Variants in MAEA observed in about 807,000 individuals in gnomAD.
MAEA encodes the protein E3 ubiquitin-protein transferase MAEA.
MAEA carries 22 observed loss-of-function variants against 46.2 expected under a neutral mutation model. That is an observed-to-expected ratio of 0.48 (90% CI 0.34 to 0.68). MAEA has a LOEUF of 0.68. Among genes scored for constraint, MAEA ranks in the 30% least tolerant of loss-of-function variants. MAEA has a pLI of 0.01. For synonymous variants in MAEA, 246 were observed against 222.6 expected (o/e 1.11, Z -0.94); for missense variants, 393 against 558.1 (o/e 0.70, Z 2.98).
chr4:1,317,155 C>T (rs1474453320), intron 3 of MAEA, among the ~76,000 whole-genome samples: 6 of 90,300 alleles, frequency 6.6e-5, no homozygotes, highest in African/African-American at 1.0e-4. Flanking sequence ...CCACCCCAGC[C>T]CCCACACTCC....
At position 1,291,032 on chromosome 4, in the gene MAEA, A is replaced by G. The variant is rs970488351; in HGVS notation, c.69+1050A>G. On this transcript the variant is annotated intron_variant, in intron 1 of 8. Coordinates refer to ENST00000303400, the MANE Select transcript of MAEA (RefSeq NM_001017405.3). ...AAATGAGTGACCACGTATTGTTTCAAACAGTGCCTAGCATTCATTAAAAGG... is the reference window on the plus strand; with the variant it reads ...AAATGAGTGACCACGTATTGTTTCAGACAGTGCCTAGCATTCATTAAAAGG... Among the ~76,000 whole-genome samples, 7 of 152,304 alleles carry G rather than the reference A, an allele frequency of 4.6e-5. No individual in the cohort carries two copies. In the South Asian group the frequency reaches 1.0e-3, roughly 23 times the overall value.
rs371632040 is a variant in MAEA at position 1,339,209 on chromosome 4, A to C, written c.*40A>C. 3 of 1,522,694 alleles carry C rather than the reference A, an allele frequency of 2.0e-6. No homozygotes were observed. In the African/African-American group the frequency reaches 4.1e-5, roughly 21 times the overall value. 94.3% of individuals were successfully genotyped at this position (1,522,694 alleles called of 1,614,324 possible). A position where few individuals can be genotyped will look rare whatever the true frequency, so the allele number is the denominator to read the frequency against. ...AGCGCACGCCTCGGGGACGGGCTGC[A>C]GTGGGCGGGGAGGCCACGCCTTCCT... On this transcript the variant is annotated 3_prime_UTR_variant, in exon 9 of 9. Transcript: ENST00000303400.
intron 2 of MAEA, among the ~76,000 whole-genome samples, chr4:1,315,051 G>T (rs1315707782): frequency 1.3e-5 from 2 of 152,202 alleles, no homozygotes; most frequent in Non-Finnish European, 2.9e-5. Flanking sequence ...TATTGCAAAA[G>T]ATTTTTTTAA....
At chr4:1,336,021 C>G (rs1712707639) in intron 6 of MAEA, 1 of 95,740 alleles carries the variant, frequency 1.0e-5, no homozygotes, top group Admixed American at 1.1e-4. Flanking sequence ...GTGTTGAAAT[C>G]ACAGAGTTAA....
chr4:1,308,755 G>T (rs1736083329), intron 1 of MAEA, among the ~76,000 whole-genome samples: 2 of 152,194 alleles, frequency 1.3e-5, no homozygotes, highest in Admixed American at 6.5e-5. Flanking sequence ...TTTAAAATTG[G>T]ATATTTCCTT....
At chr4:1,299,237 A>G (rs1735078051) in intron 1 of MAEA, among the ~76,000 whole-genome samples, 1 of 152,042 alleles carries the variant, frequency 6.6e-6, no homozygotes, top group South Asian at 2.1e-4. Flanking sequence ...AACCAATTCT[A>G]CCAGTCTCCC....
chr4:1,302,096 T>G (rs1017226666), intron 1 of MAEA, among the ~76,000 whole-genome samples: 1 of 152,024 alleles, frequency 6.6e-6, no homozygotes, highest in Non-Finnish European at 1.5e-5. Flanking sequence ...TGCCAAAATA[T>G]TCAACAAAAT....
At chr4:1,297,126 GGCCCCAGACGA>G (rs1734811532) in intron 1 of MAEA, among the ~76,000 whole-genome samples, 1 of 152,202 alleles carries the variant, frequency 6.6e-6, no homozygotes, top group East Asian at 1.9e-4. Flanking sequence ...TCGGCCTTGG[GGCCCCAGACGA>G]GCCCCAGACC....
At chr4:1,335,774 G>GAA (rs1384650982) in intron 6 of MAEA, 1 of 985,048 alleles carries the variant, frequency 1.0e-6, no homozygotes, top group Non-Finnish European at 1.2e-6. Flanking sequence ...GCAGTGTGTT[G>GAA]AAATCACAGA....
In MAEA at chr4:1,339,081, T is replaced by A. The variant is rs1235151938; in HGVS notation, c.1103T>A (p.Leu368His). 1 of 1,613,600 alleles carries A rather than the reference T, an allele frequency of 6.2e-7. No homozygotes were observed. The highest frequency in any genetic ancestry group is 8.5e-7 in the Non-Finnish European group (1 of 1,179,724). ...CCCGGTTTTATTTTTCAGTCTCTGC[T>A]TTCTATCCGTCAAGATGATAAAGTC... Reference protein sequence around the residue: ...NGYVYGYNSLLSIRQDDKVVC... With the variant: ...NGYVYGYNSLHSIRQDDKVVC... The change falls in exon 9 of 9, where the codon CTT becomes CAT. Residue 368 changes from leucine (L) to histidine (H), a missense_variant. Leu to His is a moderately conservative substitution (Grantham distance 99, BLOSUM62 -3). Transcript: ENST00000303400.
intron 3 of MAEA, among the ~76,000 whole-genome samples, chr4:1,317,562 G>A (rs1390114805): frequency 6.6e-6 from 1 of 152,016 alleles, no homozygotes; most frequent in African/African-American, 2.4e-5. Context: ...TGTGTGTGGT[G>A]TCCGTCCTGC....
At chr4:1,298,820 C>G (rs1735038693) in intron 1 of MAEA, among the ~76,000 whole-genome samples, 1 of 152,136 alleles carries the variant, frequency 6.6e-6, no homozygotes. Context: ...AGCCCTGTAT[C>G]CAGTAGCCTG....
At chr4:1,304,525 C>G (rs1444750447) in intron 1 of MAEA, among the ~76,000 whole-genome samples, 4 of 152,178 alleles carry the variant, frequency 2.6e-5, no homozygotes, top group East Asian at 3.9e-4. Flanking sequence ...ACTGCAAGCT[C>G]CGCCTCTTGG....
In MAEA at chr4:1,338,623, G is replaced by C. The variant is rs762818932; in HGVS notation, c.1095+6G>C. 6 of 1,598,078 alleles carry C rather than the reference G, an allele frequency of 3.8e-6. No homozygotes were observed. In the South Asian group the frequency reaches 6.7e-5, roughly 18 times the overall value. On this transcript the variant is annotated splice_donor_region_variant and intron_variant, in intron 8 of 8. Transcript: ENST00000303400. ...GCTACGTCTACGGCTACAATGTGAG[G>C]GGGGCAGGGCAGGGGGGCCAGGCTG... is the stretch of plus-strand genomic sequence containing the variant.
chr4:1,329,471 G>T (rs894848630), intron 5 of MAEA: 1 of 985,302 alleles, frequency 1.0e-6, no homozygotes, highest in African/African-American at 1.7e-5. Flanking sequence ...CAGGAAGTGC[G>T]TGTCCTTCCT....
Position 1,339,381 on chromosome 4 carries a change from C to T in MAEA, c.*212C>T, listed in dbSNP as rs1357825433. 1.6e-5 allele frequency: 9 copies of T among 565,464 alleles called. No homozygotes were observed. The highest frequency in any genetic ancestry group is 4.5e-5 in the South Asian group (2 of 44,080). 35.0% of individuals were successfully genotyped at this position (565,464 alleles called of 1,614,324 possible). A position where few individuals can be genotyped will look rare whatever the true frequency, so the allele number is the denominator to read the frequency against. On this transcript the variant is annotated 3_prime_UTR_variant, in exon 9 of 9. Transcript: ENST00000303400. ...TTTGGATTGGTAGGATTTTGTAACACGTCAACCATTTGATGCTTCTGAAAA... is the reference window on the plus strand; with the variant it reads ...TTTGGATTGGTAGGATTTTGTAACATGTCAACCATTTGATGCTTCTGAAAA...
chr4:1,334,605 T>C (rs1712501389), intron 6 of MAEA, among the ~76,000 whole-genome samples: 1 of 152,234 alleles, frequency 6.6e-6, no homozygotes, highest in African/African-American at 2.4e-5. Context: ...CATGCACCTC[T>C]CACCGGACGC....
At chr4:1,323,305 T>C (rs1438962191) in intron 4 of MAEA, among the ~76,000 whole-genome samples, 1 of 152,118 alleles carries the variant, frequency 6.6e-6, no homozygotes, top group Admixed American at 6.5e-5. Context: ...AAGGACAAAA[T>C]TTAAACCTGC....
At chr4:1,295,486 A>G (rs1464608004) in intron 1 of MAEA, among the ~76,000 whole-genome samples, 1 of 151,896 alleles carries the variant, frequency 6.6e-6, no homozygotes, top group Non-Finnish European at 1.5e-5. Flanking sequence ...AGGGGCCCAG[A>G]GCAGCCTCCT....
Sources: gnomAD v4.1 joint callset for allele counts (sites outside exome capture counted in the v4.1 genomes callset) on GRCh38, gnomAD v4.1.1 for gene constraint, MANE v1.5 for transcripts, NCBI Gene and HGNC (gene_info 2026-07-23, HGNC 2026-07-21) for gene names.